Variants in GRK5 observed in about 807,000 individuals in gnomAD.
The protein encoded by GRK5 is G protein-coupled receptor kinase 5.
GRK5 carries 40 observed loss-of-function variants against 78.4 expected under a neutral mutation model. The ratio of observed to expected loss-of-function variants is 0.51; its 90% CI spans 0.40 to 0.66. The LOEUF (loss-of-function observed/expected upper bound fraction) is 0.66. Among genes scored for constraint, GRK5 ranks in the 30% least tolerant of loss-of-function variants. The pLI, the probability that GRK5 is intolerant of heterozygous loss-of-function variation, is 0.00. For synonymous variants in GRK5, 289 were observed against 296.8 expected (o/e 0.97, Z 0.27); for missense variants, 598 against 759.9 (o/e 0.79, Z 2.50).
chr10:119,337,971 C>T (rs188211937), intron 2 of GRK5, among the ~76,000 whole-genome samples: 1 of 152,148 alleles, frequency 6.6e-6, no homozygotes, highest in East Asian at 1.9e-4. Context: ...TTAGGGCCCA[C>T]CCTAATGACC....
intron 1 of GRK5, among the ~76,000 whole-genome samples, chr10:119,279,708 G>T (rs1410644582): frequency 1.3e-5 from 2 of 152,268 alleles, no homozygotes; most frequent in Non-Finnish European, 2.9e-5. Context: ...GAGCCACGCT[G>T]CAGGGCAAGA....
At chr10:119,299,229 G>A (rs1477809697) in intron 1 of GRK5, among the ~76,000 whole-genome samples, 1 of 152,164 alleles carries the variant, frequency 6.6e-6, no homozygotes, top group Non-Finnish European at 1.5e-5. Flanking sequence ...GATCACCTGA[G>A]GTCAGGAGTT....
Position 119,455,101 on chromosome 10 carries a change from C to CA in GRK5, c.*35dup. The CA allele has an allele frequency of 6.8e-7, 1 of 1,467,480 alleles. No homozygotes were observed. Among genetic ancestry groups the CA allele is most frequent in the Non-Finnish European group, 9.6e-7 (1 of 1,046,582 alleles). 90.9% of individuals were successfully genotyped at this position (1,467,480 alleles called of 1,614,324 possible). On this transcript the variant is annotated 3_prime_UTR_variant, in exon 16 of 16. Transcript: ENST00000392870. ...CTGGCCTCCAAGTCCACAGTGGAAC[C>CA]AGCCCAGACCCTTCTCCTTAGAAGT...
In GRK5 at chr10:119,271,068, C is replaced by T. The variant is rs770138567; in HGVS notation, c.53-55448C>T. On this transcript the variant is annotated intron_variant, in intron 1 of 15. Coordinates refer to ENST00000392870, the MANE Select transcript of GRK5 (RefSeq NM_005308.3). The surrounding 1 kb of genome is among the most constrained non-coding windows in gnomAD (Gnocchi z 4.1). ...CTTTGTTAATAATAATAACAGGACC[C>T]GCCTAGAAGTGACTGAATAGCAGAC... Among the ~76,000 whole-genome samples, 2 of 152,154 alleles carry T rather than the reference C, an allele frequency of 1.3e-5. No homozygotes were observed. The highest frequency in any genetic ancestry group is 2.4e-5 in the African/African-American group (1 of 41,432).
chr10:119,244,798 ATAT>A, intron 1 of GRK5, among the ~76,000 whole-genome samples: 1 of 152,340 alleles, frequency 6.6e-6, no homozygotes, highest in South Asian at 2.1e-4. Flanking sequence ...GTTAGGACAG[ATAT>A]TATAATAAAA....
intron 2 of GRK5, among the ~76,000 whole-genome samples, chr10:119,370,284 C>T (rs933014633): frequency 6.6e-6 from 1 of 152,198 alleles, no homozygotes; most frequent in Non-Finnish European, 1.5e-5. Context: ...AGACACCCTG[C>T]GATTCAGTGG....
intron 2 of GRK5, among the ~76,000 whole-genome samples, chr10:119,350,495 A>C (rs1851171628): frequency 6.6e-6 from 1 of 152,240 alleles, no homozygotes; most frequent in African/African-American, 2.4e-5. Context: ...TCTTTGTCAC[A>C]GCTCACATTT....
chr10:119,453,859 G>A (rs1451625884), intron 15 of GRK5, among the ~76,000 whole-genome samples: 1 of 152,232 alleles, frequency 6.6e-6, no homozygotes, highest in African/African-American at 2.4e-5. Context: ...CTGGCAGCCA[G>A]AGGAGACAGG....
intron 2 of GRK5, among the ~76,000 whole-genome samples, chr10:119,346,315 G>A (rs980649977): frequency 1.3e-5 from 2 of 152,344 alleles, no homozygotes; most frequent in Admixed American, 6.5e-5. Flanking sequence ...GCTCCTCCCT[G>A]GAGCAGGTAT....
chr10:119,315,030 G>A (rs531205726), intron 1 of GRK5, among the ~76,000 whole-genome samples: 10 of 152,180 alleles, frequency 6.6e-5, no homozygotes, highest in Non-Finnish European at 1.2e-4. Flanking sequence ...GCTCCCCATC[G>A]TCTGTCTCAC....
intron 2 of GRK5, among the ~76,000 whole-genome samples, chr10:119,362,462 T>G (rs967101958): frequency 1.3e-5 from 2 of 152,230 alleles, no homozygotes; most frequent in Non-Finnish European, 2.9e-5. Context: ...GGGTGTTTGT[T>G]TTATGTAATA....
Position 119,290,367 on chromosome 10 carries a change from A to AAAAAAAAC in GRK5, c.53-36146_53-36145insAAAACAAA, listed in dbSNP as rs1554903196. The stretch of plus-strand genomic sequence containing the variant: ...GTCTCAAAAAAAAAAAAAAAAACAA[A>AAAAAAAAC]AAACAACTCTGTCCCCTTCTCCCTG... On this transcript the variant is annotated intron_variant, in intron 1 of 15. Transcript: ENST00000392870. Among the ~76,000 whole-genome samples, 28 of 137,592 alleles carry AAAAAAAAC rather than the reference A, an allele frequency of 2.0e-4. 1 individual carries two copies. The highest frequency in any genetic ancestry group is 2.4e-4 in the Non-Finnish European group (15 of 63,204). 90.3% of individuals were successfully genotyped at this position (137,592 alleles called of 152,430 possible).
In GRK5 at chr10:119,269,764, C is replaced by T. The variant is rs1292163031; in HGVS notation, c.53-56752C>T. 3.4e-5 allele frequency among the ~76,000 whole-genome samples: 5 copies of T among 144,970 alleles called. No individual in the cohort carries two copies. In the East Asian group the frequency reaches 1.1e-3, roughly 31 times the overall value. On this transcript the variant is annotated intron_variant, in intron 1 of 15. Transcript: ENST00000392870. Reference sequence around the variant, plus strand: ...AGGAGAATTGCTTGAACCCAGAAGGCGGAGGTTGCAGTGAGCTGAGATCGC... The same window carrying T: ...AGGAGAATTGCTTGAACCCAGAAGGTGGAGGTTGCAGTGAGCTGAGATCGC...
rs756426653 is a variant in GRK5 at position 119,454,989 on chromosome 10, T to C, written c.1695T>C (p.Ser565=). 4 of 1,613,132 alleles carry C rather than the reference T, an allele frequency of 2.5e-6. No individual in the cohort carries two copies. The Admixed American group carries it at 6.7e-5, about 27-fold the overall frequency. ...CCCAGCATCAGAACAATTCCAAGAG[T>C]TCGCCCAGCTCCAAGACCAGTTTTA... The part of the protein sequence containing the change: ...FKRQHQNNSK[S]SPSSKTSFNH... Residue 565 remains serine (S), a synonymous_variant, in exon 16 of 16, where the codon AGT becomes AGC. Transcript: ENST00000392870.
In GRK5 at chr10:119,362,055, AC is replaced by A. The variant is rs1263956488; in HGVS notation, c.149-18759del. Among the ~76,000 whole-genome samples the A allele has an allele frequency of 7.9e-5, 12 of 152,016 alleles. 1 individual carries two copies. In the East Asian group the frequency reaches 2.3e-3, roughly 29 times the overall value. ...CAGCTGCAAGCTGTCCCACCTCCAT[AC>A]TCAGTGATTATTGGAGGTGATGCTA... On this transcript the variant is annotated intron_variant, in intron 2 of 15. Coordinates refer to ENST00000392870, the MANE Select transcript of GRK5 (RefSeq NM_005308.3).
intron 1 of GRK5, among the ~76,000 whole-genome samples, chr10:119,315,139 G>A (rs564926668): frequency 6.6e-6 from 1 of 152,192 alleles, no homozygotes; most frequent in African/African-American, 2.4e-5. Context: ...AGGCCAGAGG[G>A]GTGGTGCTTT....
chr10:119,402,934 T>C (rs1313481751), intron 4 of GRK5, among the ~76,000 whole-genome samples: 1 of 152,250 alleles, frequency 6.6e-6, no homozygotes, highest in Non-Finnish European at 1.5e-5. Flanking sequence ...GAACTAATTC[T>C]TTTAAAGTAC....
chr10:119,371,644 C>T (rs573934672), intron 2 of GRK5, among the ~76,000 whole-genome samples: 38 of 152,314 alleles, frequency 2.5e-4, no homozygotes, highest in African/African-American at 8.7e-4. Flanking sequence ...CCTGCCCTCC[C>T]GGAGCTCAGG....
Position 119,253,769 on chromosome 10 carries a change from C to T in GRK5, c.52+45800C>T, listed in dbSNP as rs758153491. Among the ~76,000 whole-genome samples, 8 of 152,204 alleles carry T rather than the reference C, an allele frequency of 5.3e-5. No homozygotes were observed. The highest frequency in any genetic ancestry group is 6.8e-3 in the Middle Eastern group (2 of 294). On this transcript the variant is annotated intron_variant, in intron 1 of 15. Transcript: ENST00000392870. This position sits in a 1 kb window ranked among gnomAD's most constrained non-coding sequence, Gnocchi z 5.7. ...AGAAAAATGCAGTGTCTCCCAGATACGGCTTCTGGAGCTTTGCCTGGGGTG... is the reference window on the plus strand; with the variant it reads ...AGAAAAATGCAGTGTCTCCCAGATATGGCTTCTGGAGCTTTGCCTGGGGTG...
Sources: allele counts gnomAD v4.1 joint callset (sites outside exome capture counted in the v4.1 genomes callset), GRCh38; gene constraint gnomAD v4.1.1; non-coding constraint Gnocchi (gnomAD v3.1); transcripts MANE v1.5; gene names NCBI Gene and HGNC (gene_info 2026-07-23, HGNC 2026-07-21).